PDE4D: variants seen among roughly 807,000 people sequenced by gnomAD.
PDE4D encodes the protein 3',5'-cyclic-AMP phosphodiesterase 4D.
In PDE4D, 24 loss-of-function variants were observed where a neutral mutation model predicts 87.4. The observed-to-expected ratio is 0.27, with a 90% confidence interval of 0.20 to 0.39. The LOEUF (loss-of-function observed/expected upper bound fraction) is 0.39, where lower values mean the gene tolerates loss of function less well. Among genes scored for constraint, PDE4D ranks in the 10% least tolerant of loss-of-function variants. The probability of loss-of-function intolerance (pLI) is 1.00; values close to 1 mark genes in which losing one functional copy is unlikely to be tolerated. For missense variants in PDE4D, 714 were observed against 1,041.0 expected (o/e 0.69, Z 4.32); for synonymous variants, 384 against 383.2 (o/e 1.00, Z -0.02).
chr5:60,474,144 AT>A (rs1456796718), intron 1 of PDE4D, among the ~76,000 whole-genome samples: 3 of 99,098 alleles, frequency 3.0e-5, no homozygotes, highest in African/African-American at 2.0e-4. Flanking sequence ...ATATATATAT[AT>A]ATATAACAAA....
At chr5:59,997,044 A>G (rs1763583824) in intron 2 of PDE4D, among the ~76,000 whole-genome samples, 1 of 152,148 alleles carries the variant, frequency 6.6e-6, no homozygotes, top group African/African-American at 2.4e-5. Flanking sequence ...GTAATATTCT[A>G]CTGTATATTC....
intron 1 of PDE4D, among the ~76,000 whole-genome samples, chr5:60,305,233 G>A (rs1754382598): frequency 6.6e-6 from 1 of 152,036 alleles, no homozygotes; most frequent in African/African-American, 2.4e-5. Flanking sequence ...ATGAAATGAA[G>A]AGGATTCCAG....
At chr5:59,659,183 G>A (rs1172238128) in intron 1 of PDE4D, among the ~76,000 whole-genome samples, 1 of 152,174 alleles carries the variant, frequency 6.6e-6, no homozygotes, top group Non-Finnish European at 1.5e-5. Flanking sequence ...ATGCCTAATG[G>A]GAGAATTTGC....
intron 1 of PDE4D, among the ~76,000 whole-genome samples, chr5:59,440,503 G>A (rs980545686): frequency 2.0e-5 from 3 of 152,218 alleles, no homozygotes; most frequent in African/African-American, 4.8e-5. Context: ...AACACTGGTC[G>A]CGGTGGCTCA....
intron 3 of PDE4D, among the ~76,000 whole-genome samples, chr5:59,941,282 T>C (rs938661832): frequency 1.3e-5 from 2 of 152,344 alleles, no homozygotes; most frequent in African/African-American, 4.8e-5. Flanking sequence ...CACATTCAGC[T>C]GTTCAACTCC....
chr5:59,638,667 C>T (rs866164730), intron 1 of PDE4D, among the ~76,000 whole-genome samples: 3 of 151,956 alleles, frequency 2.0e-5, no homozygotes, highest in African/African-American at 7.2e-5. Flanking sequence ...TACAAAGATA[C>T]GTGTGAACAC....
intron 1 of PDE4D, among the ~76,000 whole-genome samples, chr5:59,343,574 C>T (rs1031785731): frequency 6.6e-6 from 1 of 152,140 alleles, no homozygotes; most frequent in African/African-American, 2.4e-5. Flanking sequence ...ATTATATACT[C>T]AATATACATT....
At chr5:60,181,234 A>G in intron 2 of PDE4D, among the ~76,000 whole-genome samples, 1 of 152,196 alleles carries the variant, frequency 6.6e-6, no homozygotes, top group East Asian at 1.9e-4. Context: ...TCAGCAATGT[A>G]AAGGTACAGA....
At chr5:60,431,947 C>T (rs907497601) in intron 1 of PDE4D, among the ~76,000 whole-genome samples, 4 of 152,234 alleles carry the variant, frequency 2.6e-5, no homozygotes, top group African/African-American at 9.6e-5. Context: ...GCGGCGCAGG[C>T]CTGCAATCGC....
chr5:60,366,489 T>C (rs1306225944), intron 1 of PDE4D, among the ~76,000 whole-genome samples: 2 of 152,322 alleles, frequency 1.3e-5, no homozygotes, highest in Admixed American at 6.5e-5. Flanking sequence ...GAAATATATG[T>C]AGGACCATCA....
intron 1 of PDE4D, among the ~76,000 whole-genome samples, chr5:60,362,871 A>G (rs1291100930): frequency 6.6e-6 from 1 of 152,122 alleles, no homozygotes; most frequent in Admixed American, 6.6e-5. Flanking sequence ...AAGAAAAAAA[A>G]AAAAAAAGAA....
intron 5 of PDE4D, among the ~76,000 whole-genome samples, chr5:59,148,013 A>G (rs555206575): frequency 4.5e-4 from 69 of 152,328 alleles, no homozygotes; most frequent in African/African-American, 1.5e-3. Context: ...TTCCTAACTC[A>G]GTAGCCACTT....
At chr5:60,172,436 C>T (rs191916885) in intron 2 of PDE4D, among the ~76,000 whole-genome samples, 8 of 151,952 alleles carry the variant, frequency 5.3e-5, no homozygotes, top group Non-Finnish European at 8.8e-5. Flanking sequence ...ACAGGTGCTT[C>T]ACCAACCCTA....
chr5:59,322,187 T>C (rs904858636), intron 1 of PDE4D, among the ~76,000 whole-genome samples: 2 of 152,144 alleles, frequency 1.3e-5, no homozygotes, highest in African/African-American at 4.8e-5. Flanking sequence ...TTTATAAGTG[T>C]GCTGGATTTT....
At chr5:59,902,138 G>A (rs1411251257) in intron 3 of PDE4D, among the ~76,000 whole-genome samples, 1 of 152,002 alleles carries the variant, frequency 6.6e-6, no homozygotes, top group Non-Finnish European at 1.5e-5. Flanking sequence ...ATGCCCTGTT[G>A]AGCAAACAAA....
intron 2 of PDE4D, among the ~76,000 whole-genome samples, chr5:59,994,544 A>C (rs990279990): frequency 6.6e-6 from 1 of 152,074 alleles, no homozygotes; most frequent in African/African-American, 2.4e-5. Context: ...GGAAATGTGT[A>C]TGGGTCTGTG....
chr5:60,139,077 G>T (rs1318468390), intron 2 of PDE4D, among the ~76,000 whole-genome samples: 1 of 151,470 alleles, frequency 6.6e-6, no homozygotes, highest in South Asian at 2.1e-4. Context: ...AAGCTAGGAT[G>T]GTTCTAAGAT....
At chr5:59,853,702 T>A (rs1211582209) in intron 1 of PDE4D, among the ~76,000 whole-genome samples, 2 of 151,978 alleles carry the variant, frequency 1.3e-5, no homozygotes, top group Non-Finnish European at 2.9e-5. Flanking sequence ...AGGCAAAAAT[T>A]TGGGAAAAAC....
chr5:59,345,517 C>CAG (rs1779472825), intron 1 of PDE4D, among the ~76,000 whole-genome samples: 2 of 152,134 alleles, frequency 1.3e-5, no homozygotes, highest in African/African-American at 4.8e-5. Context: ...ATTTTAGTCA[C>CAG]TTAATTCACA....
Sources: allele counts gnomAD v4.1 joint callset (sites outside exome capture counted in the v4.1 genomes callset), GRCh38; gene constraint gnomAD v4.1.1; transcripts MANE v1.5; gene names NCBI Gene and HGNC (gene_info 2026-07-23, HGNC 2026-07-21).